PRKCQ: variants seen among roughly 807,000 people sequenced by gnomAD.
PRKCQ encodes the protein protein kinase C theta, also known as protein kinase C theta type.
In PRKCQ, 41 loss-of-function variants were observed where a neutral mutation model predicts 91.2. The ratio of observed to expected loss-of-function variants is 0.45; its 90% CI spans 0.35 to 0.58. PRKCQ has a LOEUF of 0.58. PRKCQ is among the 20% of genes least tolerant of loss of function. PRKCQ has a pLI of 0.00. For synonymous variants in PRKCQ, 307 were observed against 316.9 expected (o/e 0.97, Z 0.33); for missense variants, 673 against 896.5 (o/e 0.75, Z 3.18).
the PRKCQ span, among the ~76,000 whole-genome samples, chr10:6,404,010 T>C: frequency 0.015 from 2,335 of 151,970 alleles, 69 homozygotes; most frequent in African/African-American, 0.054. Context: ...AGATAGGAGA[T>C]AGCAGGATAC....
intron 1 of PRKCQ, among the ~76,000 whole-genome samples, chr10:6,561,456 T>C (rs772532157): frequency 1.6e-4 from 24 of 151,608 alleles, no homozygotes; most frequent in Non-Finnish European, 3.1e-4. Flanking sequence ...CTTTTTGGAA[T>C]CTTGTGCTTC....
chr10:6,511,714 C>T (rs1420692876), intron 2 of PRKCQ, among the ~76,000 whole-genome samples: 5 of 152,308 alleles, frequency 3.3e-5, no homozygotes, highest in Admixed American at 6.5e-5. Context: ...AGGGGCCTGG[C>T]GCTTCAGTCT....
intron 7 of PRKCQ, among the ~76,000 whole-genome samples, chr10:6,492,457 G>A (rs544514019): frequency 1.3e-5 from 2 of 152,248 alleles, no homozygotes; most frequent in South Asian, 4.1e-4. Context: ...CCCTTTTGAA[G>A]TCGCTTCTAT....
intron 1 of PRKCQ, among the ~76,000 whole-genome samples, chr10:6,533,885 A>C (rs1165116248): frequency 6.6e-6 from 1 of 152,210 alleles, no homozygotes; most frequent in African/African-American, 2.4e-5. Flanking sequence ...TTCATCCAGA[A>C]ATAAAACTGC....
At chr10:6,462,668 T>G (rs1835418915) in intron 13 of PRKCQ, among the ~76,000 whole-genome samples, 1 of 152,198 alleles carries the variant, frequency 6.6e-6, no homozygotes, top group South Asian at 2.1e-4. Context: ...TCATTTTTTT[T>G]GTTGTTTTTG....
intron 1 of PRKCQ, among the ~76,000 whole-genome samples, chr10:6,565,807 C>G (rs1199387089): frequency 6.6e-6 from 1 of 152,164 alleles, no homozygotes; most frequent in Non-Finnish European, 1.5e-5. Flanking sequence ...TTACGTTCCT[C>G]AAAAGTAATT....
At chr10:6,573,678 G>C (rs1841123803) in intron 1 of PRKCQ, among the ~76,000 whole-genome samples, 2 of 152,180 alleles carry the variant, frequency 1.3e-5, no homozygotes, top group South Asian at 2.1e-4. Context: ...GGATGACAAG[G>C]ATTCTGCTTC....
the PRKCQ span, among the ~76,000 whole-genome samples, chr10:6,418,826 CATCT>C: frequency 6.6e-6 from 1 of 152,198 alleles, no homozygotes; most frequent in Non-Finnish European, 1.5e-5. Flanking sequence ...ATCTATCATC[CATCT>C]ATCTACCTAT....
At chr10:6,553,251 C>G (rs549207158) in intron 1 of PRKCQ, among the ~76,000 whole-genome samples, 1 of 152,236 alleles carries the variant, frequency 6.6e-6, no homozygotes, top group South Asian at 2.1e-4. Context: ...TCGGAATAGA[C>G]ATACGAGGCA....
chr10:6,400,858 GAAGA>G, the PRKCQ span, among the ~76,000 whole-genome samples: 2 of 152,106 alleles, frequency 1.3e-5, no homozygotes, highest in Non-Finnish European at 2.9e-5. Context: ...ACAAAAAGCA[GAAGA>G]AAGAAAGAAA....
chr10:6,445,264 G>A (rs1000525640), intron 15 of PRKCQ, among the ~76,000 whole-genome samples: 1 of 151,884 alleles, frequency 6.6e-6, no homozygotes, highest in African/African-American at 2.4e-5. Flanking sequence ...CCACCACCCC[G>A]GGGCCCACTC....
intron 15 of PRKCQ, among the ~76,000 whole-genome samples, chr10:6,451,716 A>G (rs1834691768): frequency 6.6e-6 from 1 of 152,192 alleles, no homozygotes; most frequent in Non-Finnish European, 1.5e-5. Context: ...GCACATTAAA[A>G]AGCTTATCCA....
At chr10:6,517,548 C>T (rs908706950) in intron 1 of PRKCQ, among the ~76,000 whole-genome samples, 1 of 131,416 alleles carries the variant, frequency 7.6e-6, no homozygotes, top group East Asian at 2.7e-4. Context: ...CTGTTTCCAA[C>T]TTCTACATGC....
At chr10:6,402,465 T>C in the PRKCQ span, among the ~76,000 whole-genome samples, 2 of 149,450 alleles carry the variant, frequency 1.3e-5, no homozygotes, top group Admixed American at 1.3e-4. Context: ...GTACCCAACA[T>C]GAAGGACACA....
At chr10:6,511,554 T>C (rs991970121) in intron 2 of PRKCQ, among the ~76,000 whole-genome samples, 1 of 152,132 alleles carries the variant, frequency 6.6e-6, no homozygotes, top group African/African-American at 2.4e-5. Context: ...AAGGCTTTAG[T>C]TGGGTGCTGC....
intron 15 of PRKCQ, among the ~76,000 whole-genome samples, chr10:6,448,737 C>G (rs776251611): frequency 4.6e-5 from 7 of 152,180 alleles, no homozygotes; most frequent in Non-Finnish European, 1.0e-4. Context: ...GTCATTTAAT[C>G]TCATTATTTT....
At chr10:6,415,900 C>G in the PRKCQ span, among the ~76,000 whole-genome samples, 1 of 152,006 alleles carries the variant, frequency 6.6e-6, no homozygotes, top group Non-Finnish European at 1.5e-5. Context: ...TGTCCTCCAA[C>G]ATGCTTGGCT....
At chr10:6,404,217 TAGAGAG>T in the PRKCQ span, among the ~76,000 whole-genome samples, 2 of 98,238 alleles carry the variant, frequency 2.0e-5, no homozygotes, top group South Asian at 3.9e-4. Context: ...AAGAAAAAAC[TAGAGAG>T]AGAGAGAGAG....
chr10:6,459,549 G>C lies in PRKCQ; in HGVS notation c.1509-2737C>G, dbSNP rs181789290. On this transcript the variant is annotated intron_variant, in intron 14 of 17. Coordinates refer to ENST00000263125, the MANE Select transcript of PRKCQ (RefSeq NM_006257.5). The stretch of plus-strand genomic sequence containing the variant: ...TAGATGTGACCTTATTTGGAAAAAG[G>C]GTCTTTTTTTCCAAATGTAATTAAG... Among the ~76,000 whole-genome samples the C allele has an allele frequency of 1.5e-3, 228 of 152,270 alleles. 1 individual carries two copies. Among genetic ancestry groups the C allele is most frequent in the Non-Finnish European group, 1.4e-3 (96 of 68,020 alleles).
Sources: allele counts gnomAD v4.1 joint callset (sites outside exome capture counted in the v4.1 genomes callset), GRCh38; gene constraint gnomAD v4.1.1; transcripts MANE v1.5; gene names NCBI Gene and HGNC (gene_info 2026-07-23, HGNC 2026-07-21).